Variants in TENM2 observed in about 807,000 individuals in gnomAD.
TENM2 encodes teneurin-2.
A neutral mutation model predicts 245.2 loss-of-function variants in TENM2; 52 were observed. The observed-to-expected ratio is 0.21, with a 90% CI of 0.17 to 0.27. The LOEUF (loss-of-function observed/expected upper bound fraction) is 0.27. Among genes scored for constraint, TENM2 ranks in the 10% least tolerant of loss-of-function variants. TENM2 has a pLI of 1.00. For missense variants in TENM2, 3,046 were observed against 3,666.8 expected (o/e 0.83, Z 4.37); for synonymous variants, 1,363 against 1,438.9 (o/e 0.95, Z 1.19).
intron 7 of TENM2, among the ~76,000 whole-genome samples, chr5:168,081,828 G>A (rs554359864): frequency 1.3e-5 from 2 of 152,242 alleles, no homozygotes; most frequent in South Asian, 4.2e-4. Flanking sequence ...TTCTCTTTGT[G>A]GGTAACCAGA....
chr5:168,195,311 G>A lies in TENM2; in HGVS notation c.2900+16G>A. The A allele has an allele frequency of 6.4e-7, 1 of 1,569,166 alleles. No individual in the cohort carries two copies. The highest frequency in any genetic ancestry group is 8.7e-7 in the Non-Finnish European group (1 of 1,155,628). On this transcript the variant is annotated intron_variant, in intron 15 of 28. Coordinates refer to ENST00000518659, the Ensembl canonical transcript of TENM2. ...AGGATGGCACGTGAGTAGCTTTGTGGGGCTCGGACCTACTCAGGACCACAC... is the reference window on the plus strand; with the variant it reads ...AGGATGGCACGTGAGTAGCTTTGTGAGGCTCGGACCTACTCAGGACCACAC...
At chr5:167,129,745 T>C in the TENM2 span, among the ~76,000 whole-genome samples, 3 of 152,174 alleles carry the variant, frequency 2.0e-5, no homozygotes, top group African/African-American at 7.2e-5. Flanking sequence ...CGTTAAACTG[T>C]CAATGCTTAA....
intron 2 of TENM2, among the ~76,000 whole-genome samples, chr5:167,801,549 A>G (rs1765773840): frequency 6.6e-6 from 1 of 152,126 alleles, no homozygotes; most frequent in African/African-American, 2.4e-5. Flanking sequence ...TCACAGATAA[A>G]CAAAGTCCCA....
chr5:168,028,749 A>G (rs1436849528), intron 5 of TENM2, among the ~76,000 whole-genome samples: 1 of 151,562 alleles, frequency 6.6e-6, no homozygotes, highest in East Asian at 1.9e-4. Flanking sequence ...GGGTCCCTAA[A>G]TCGAGCAGGG....
chr5:168,114,613 C>T (rs114470829), intron 9 of TENM2, among the ~76,000 whole-genome samples: 27 of 152,162 alleles, frequency 1.8e-4, no homozygotes, highest in Admixed American at 1.8e-3. Flanking sequence ...CTGGAGGGAG[C>T]TCATCTGGTG....
chr5:167,264,065 A>C, the TENM2 span, among the ~76,000 whole-genome samples: 1 of 150,940 alleles, frequency 6.6e-6, no homozygotes, highest in Non-Finnish European at 1.5e-5. Flanking sequence ...AGATCATGCC[A>C]CTGCACTCTA....
At chr5:167,305,945 G>A (rs1471122039) in intron 1 of TENM2, among the ~76,000 whole-genome samples, 1 of 152,192 alleles carries the variant, frequency 6.6e-6, no homozygotes, top group Non-Finnish European at 1.5e-5. Context: ...CATGGAGGAT[G>A]TTTAGTTCCA....
chr5:167,302,576 G>T (rs1755403998), intron 1 of TENM2, among the ~76,000 whole-genome samples: 1 of 151,534 alleles, frequency 6.6e-6, no homozygotes. Context: ...GGAAATAAGG[G>T]ATGGGGCACA....
intron 12 of TENM2, among the ~76,000 whole-genome samples, chr5:168,135,214 T>C (rs1754942564): frequency 6.6e-6 from 1 of 152,226 alleles, no homozygotes; most frequent in African/African-American, 2.4e-5. Context: ...CTTTGGAGCA[T>C]GACCCATGTG....
chr5:167,268,997 ACT>A, the TENM2 span, among the ~76,000 whole-genome samples: 1 of 151,930 alleles, frequency 6.6e-6, no homozygotes, highest in African/African-American at 2.4e-5. Context: ...CAACTCCTAC[ACT>A]CTGAGTATTA....
rs752333194 is a variant in TENM2, at chr5:168,241,421, ATTT to A, written c.5521-2981_5521-2979del. On this transcript the variant is annotated intron_variant, in intron 25 of 28. Coordinates refer to ENST00000518659, the Ensembl canonical transcript of TENM2. ...AGACACATGCTACCATGCTTGGCTA[ATTT>A]TTTTTTTTTTTTTTTTTAGTAGACA... Among the ~76,000 whole-genome samples, 55 of 133,084 alleles carry A rather than the reference ATTT, an allele frequency of 4.1e-4. No individual in the cohort carries two copies. In the South Asian group the frequency reaches 0.012, roughly 30 times the overall value. The allele number at this position is 133,084 out of a possible 152,430, so 87.3% of individuals were successfully genotyped here.
chr5:167,317,304 ACCTT>A (rs1209103522), intron 1 of TENM2, among the ~76,000 whole-genome samples: 1 of 151,038 alleles, frequency 6.6e-6, no homozygotes, highest in African/African-American at 2.4e-5. Flanking sequence ...ATTTTTTAAA[ACCTT>A]CCTTTCTCAA....
chr5:167,557,957 A>G (rs1194558421), intron 2 of TENM2, among the ~76,000 whole-genome samples: 3 of 152,230 alleles, frequency 2.0e-5, no homozygotes, highest in Admixed American at 2.0e-4. Flanking sequence ...AACTTCTCAT[A>G]TTGCAGATTT....
At chr5:167,462,838 C>A (rs2127495800) in intron 2 of TENM2, among the ~76,000 whole-genome samples, 1 of 152,146 alleles carries the variant, frequency 6.6e-6, no homozygotes, top group Admixed American at 6.5e-5. Context: ...TCATTTAGAG[C>A]TGCCAGTTTC....
At chr5:167,602,286 C>T (rs1351804313) in intron 2 of TENM2, among the ~76,000 whole-genome samples, 1 of 152,146 alleles carries the variant, frequency 6.6e-6, no homozygotes, top group East Asian at 1.9e-4. Flanking sequence ...ATTTTCTGCT[C>T]CTTCCCCTTT....
At chr5:168,064,203 T>C (rs1790296960) in intron 7 of TENM2, among the ~76,000 whole-genome samples, 1 of 152,160 alleles carries the variant, frequency 6.6e-6, no homozygotes, top group African/African-American at 2.4e-5. Context: ...TGCAAATTGT[T>C]AAGTGGTGTC....
intron 2 of TENM2, among the ~76,000 whole-genome samples, chr5:167,443,169 C>A (rs1406062097): frequency 6.6e-6 from 1 of 152,002 alleles, no homozygotes; most frequent in Non-Finnish European, 1.5e-5. Flanking sequence ...AATAGCACAA[C>A]TTTTTCTCCT....
chr5:168,114,848 A>G (rs1002599741), intron 9 of TENM2, among the ~76,000 whole-genome samples: 3 of 152,150 alleles, frequency 2.0e-5, no homozygotes, highest in Admixed American at 2.0e-4. Context: ...CCTATTTTTT[A>G]TATTTTTCAC....
At chr5:167,205,555 TA>T in the TENM2 span, among the ~76,000 whole-genome samples, 18 of 152,278 alleles carry the variant, frequency 1.2e-4, no homozygotes, top group African/African-American at 4.3e-4. Context: ...TGCAAGGTGT[TA>T]GGATGAGAAA....
Sources: gnomAD v4.1 joint callset for allele counts (sites outside exome capture counted in the v4.1 genomes callset) on GRCh38, gnomAD v4.1.1 for gene constraint, MANE v1.5 for transcripts, NCBI Gene and HGNC (gene_info 2026-07-23, HGNC 2026-07-21) for gene names.